The following IL1RAPL2 variants were observed in gnomAD, a reference collection of about 807,000 sequenced individuals.
IL1RAPL2 encodes the protein X-linked interleukin-1 receptor accessory protein-like 2.
In IL1RAPL2, 3 loss-of-function variants were observed where a neutral mutation model predicts 44.1. The ratio of observed to expected loss-of-function variants is 0.07; its 90% CI spans 0.03 to 0.18. IL1RAPL2 has a LOEUF of 0.18. Ranked by LOEUF, IL1RAPL2 falls within the 10% of genes least tolerant of loss-of-function variation. IL1RAPL2 has a pLI of 1.00. For synonymous variants in IL1RAPL2, 181 were observed against 178.8 expected, an observed-to-expected ratio of 1.01 and a Z score of -0.10; for missense variants, 391 against 496.4, an observed-to-expected ratio of 0.79 and a Z score of 2.02.
At chrX:104,981,415 AT>A (rs748224351) in intron 2 of IL1RAPL2, among the ~76,000 whole-genome samples, 3 of 109,894 alleles carry the variant, frequency 2.7e-5, no homozygotes, top group African/African-American at 9.9e-5. Flanking sequence ...AATGCTACCA[AT>A]TTTTTTTACA....
intron 2 of IL1RAPL2, among the ~76,000 whole-genome samples, chrX:104,833,363 T>C (rs1921661602): frequency 1.8e-5 from 2 of 112,241 alleles, no homozygotes; most frequent in South Asian, 3.7e-4. Flanking sequence ...GGTATTGCTG[T>C]TTATTTTTGA....
chrX:105,434,986 T>C (rs1325401222), intron 5 of IL1RAPL2, among the ~76,000 whole-genome samples: 1 of 111,853 alleles, frequency 8.9e-6, no homozygotes, highest in East Asian at 2.8e-4. Context: ...TCCCATTGCT[T>C]ATTTTTGTCA....
chrX:104,616,891 C>T (rs1046037018), intron 1 of IL1RAPL2, among the ~76,000 whole-genome samples: 22 of 111,983 alleles, frequency 2.0e-4, no homozygotes, highest in Non-Finnish European at 2.8e-4. Context: ...TATTGCAGTT[C>T]CCCTGTCTTG....
intron 2 of IL1RAPL2, among the ~76,000 whole-genome samples, chrX:105,182,086 G>GA (rs1302413204): frequency 4.6e-5 from 5 of 108,178 alleles, no homozygotes; most frequent in African/African-American, 1.7e-4. Flanking sequence ...AAAGAAAAAA[G>GA]AAAAAAAGAA....
intron 6 of IL1RAPL2, among the ~76,000 whole-genome samples, chrX:105,624,191 T>C (rs1392603467): frequency 9.0e-6 from 1 of 111,369 alleles, no homozygotes; most frequent in Non-Finnish European, 1.9e-5. Context: ...AGAATGACTC[T>C]AAATGAAGTT....
intron 6 of IL1RAPL2, among the ~76,000 whole-genome samples, chrX:105,603,883 A>G (rs952154770): frequency 3.4e-4 from 38 of 111,977 alleles, no homozygotes; most frequent in Non-Finnish European, 6.6e-4. Flanking sequence ...GTATAAACAA[A>G]TAGAAATTAA....
At chrX:105,277,791 T>C (rs748182709) in intron 5 of IL1RAPL2, among the ~76,000 whole-genome samples, 8 of 109,032 alleles carry the variant, frequency 7.3e-5, no homozygotes, top group Non-Finnish European at 1.3e-4. Flanking sequence ...AGAAACAAGG[T>C]CAACAATATT....
At chrX:105,513,645 G>A (rs998937840) in intron 6 of IL1RAPL2, among the ~76,000 whole-genome samples, 1 of 111,461 alleles carries the variant, frequency 9.0e-6, no homozygotes, top group East Asian at 2.9e-4. Flanking sequence ...ATTTGTATAA[G>A]TTCTTTGTAG....
At chrX:104,590,672 G>C (rs1227284332) in intron 1 of IL1RAPL2, among the ~76,000 whole-genome samples, 3 of 111,833 alleles carry the variant, frequency 2.7e-5, no homozygotes, top group African/African-American at 9.8e-5. Context: ...GAGGTGCTGG[G>C]CTATGGGTCA....
intron 2 of IL1RAPL2, among the ~76,000 whole-genome samples, chrX:104,891,722 C>A (rs985275531): frequency 2.7e-5 from 3 of 111,716 alleles, no homozygotes; most frequent in African/African-American, 9.8e-5. Context: ...TCTAAATATA[C>A]AATCATATCA....
chrX:104,925,628 AG>A (rs1325835840), intron 2 of IL1RAPL2, among the ~76,000 whole-genome samples: 1 of 112,110 alleles, frequency 8.9e-6, no homozygotes, highest in Non-Finnish European at 1.9e-5. Flanking sequence ...GGTGCAAAAA[AG>A]TCTTTCAATA....
intron 5 of IL1RAPL2, among the ~76,000 whole-genome samples, chrX:105,355,110 T>C (rs1342417860): frequency 2.7e-5 from 3 of 111,778 alleles, no homozygotes; most frequent in Non-Finnish European, 3.8e-5. Flanking sequence ...CACCATGCAA[T>C]CCATTTTTTA....
chrX:105,616,555 T>G (rs2037377912), intron 6 of IL1RAPL2, among the ~76,000 whole-genome samples: 2 of 111,543 alleles, frequency 1.8e-5, no homozygotes, highest in Non-Finnish European at 1.9e-5. Flanking sequence ...ATCTTTCATG[T>G]GCTTCTTAGG....
At chrX:104,968,706 A>C (rs930352338) in intron 2 of IL1RAPL2, among the ~76,000 whole-genome samples, 2 of 111,648 alleles carry the variant, frequency 1.8e-5, no homozygotes, top group African/African-American at 3.2e-5. Context: ...ATATGTCAGA[A>C]ACAAACATTT....
At chrX:105,311,056 C>T (rs1461006563) in intron 5 of IL1RAPL2, among the ~76,000 whole-genome samples, 1 of 111,082 alleles carries the variant, frequency 9.0e-6, no homozygotes, top group African/African-American at 3.3e-5. Flanking sequence ...ACCCCTTTGC[C>T]ATTACAAAAT....
At chrX:104,582,606 TTCTTTC>T (rs1928386062) in intron 1 of IL1RAPL2, among the ~76,000 whole-genome samples, 1 of 39,868 alleles carries the variant, frequency 2.5e-5, no homozygotes, top group Non-Finnish European at 5.4e-5. Context: ...TTTTCTTTCT[TTCTTTC>T]TTTCTTTCTT....
At chrX:105,681,170 C>G (rs190899381) in intron 6 of IL1RAPL2, among the ~76,000 whole-genome samples, 11 of 111,024 alleles carry the variant, frequency 9.9e-5, no homozygotes, top group Admixed American at 9.6e-4. Context: ...TAATGGCTTG[C>G]TTTTGGGGAG....
chrX:104,620,669 A>AAAAAG (rs1929374994), intron 1 of IL1RAPL2, among the ~76,000 whole-genome samples: 1 of 102,390 alleles, frequency 9.8e-6, no homozygotes, highest in East Asian at 3.0e-4. Context: ...AAAAAAAAAA[A>AAAAAG]AGAGATGGTA....
intron 6 of IL1RAPL2, among the ~76,000 whole-genome samples, chrX:105,679,581 A>C (rs1213390535): frequency 8.9e-6 from 1 of 112,104 alleles, no homozygotes; most frequent in Non-Finnish European, 1.9e-5. Flanking sequence ...GACAGAGTAG[A>C]ATTTATATAT....
Sources: gnomAD v4.1 joint callset for allele counts (sites outside exome capture counted in the v4.1 genomes callset) on GRCh38, gnomAD v4.1.1 for gene constraint, MANE v1.5 for transcripts, NCBI Gene and HGNC (gene_info 2026-07-23, HGNC 2026-07-21) for gene names.